Variants in DGCR2 observed in about 807,000 individuals in gnomAD.
DGCR2 encodes the protein integral membrane protein DGCR2/IDD.
In DGCR2, 24 loss-of-function variants were observed where a neutral mutation model predicts 51.6. The ratio of observed to expected loss-of-function variants is 0.47; its 90% CI spans 0.34 to 0.65. DGCR2 has a LOEUF of 0.65. Ranked by LOEUF, DGCR2 falls within the 30% of genes least tolerant of loss-of-function variation. The probability of loss-of-function intolerance (pLI) is 0.01; values close to 1 mark genes in which losing one functional copy is unlikely to be tolerated. For missense variants in DGCR2, 765 were observed against 772.1 expected, an observed-to-expected ratio of 0.99 and a Z score of 0.11; for synonymous variants, 340 against 315.4, an observed-to-expected ratio of 1.08 and a Z score of -0.82.
intron 2 of DGCR2, among the ~76,000 whole-genome samples, chr22:19,080,614 T>C (rs554597372): frequency 9.9e-5 from 15 of 152,182 alleles, no homozygotes; most frequent in East Asian, 5.8e-4. Context: ...GGGGGCAGGA[T>C]TGCTAGAGCC....
At chr22:19,114,744 A>T (rs911830616) in intron 1 of DGCR2, among the ~76,000 whole-genome samples, 1 of 152,094 alleles carries the variant, frequency 6.6e-6, no homozygotes, top group Non-Finnish European at 1.5e-5. Flanking sequence ...GCCAGCCACA[A>T]ACAATCCTCT....
chr22:19,044,481 A>G (rs1388647317), intron 7 of DGCR2, among the ~76,000 whole-genome samples: 2 of 152,232 alleles, frequency 1.3e-5, no homozygotes, highest in Non-Finnish European at 2.9e-5. Context: ...CAGGGATCAG[A>G]AGCTGAGACC....
At position 19,057,567 on chromosome 22, in the gene DGCR2, C is replaced by G. The variant is rs1027558507; in HGVS notation, c.626-405G>C. Among the ~76,000 whole-genome samples, 1 of 152,214 alleles carries G rather than the reference C, an allele frequency of 6.6e-6. No individual in the cohort carries two copies. The highest frequency in any genetic ancestry group is 1.5e-5 in the Non-Finnish European group (1 of 68,044). On this transcript the variant is annotated intron_variant, in intron 5 of 9. Coordinates refer to ENST00000263196, the MANE Select transcript of DGCR2 (RefSeq NM_005137.3). The surrounding 1 kb of genome is among the most constrained non-coding windows in gnomAD (Gnocchi z 5.1). Reference sequence around the variant, plus strand: ...TGGGCAAGGGAAACAGGCAGGGAAGCTCTCCCTTAGGACAGCACACTCAGA... The same window carrying G: ...TGGGCAAGGGAAACAGGCAGGGAAGGTCTCCCTTAGGACAGCACACTCAGA...
intron 5 of DGCR2, among the ~76,000 whole-genome samples, chr22:19,058,537 C>T (rs2082627277): frequency 6.6e-6 from 1 of 152,242 alleles, no homozygotes; most frequent in African/African-American, 2.4e-5. Context: ...GATGCCTTCT[C>T]ACCTAAGTAG....
At chr22:19,098,642 C>T (rs975391833) in intron 1 of DGCR2, among the ~76,000 whole-genome samples, 1 of 152,184 alleles carries the variant, frequency 6.6e-6, no homozygotes, top group Non-Finnish European at 1.5e-5. Context: ...GGCTGGAATG[C>T]AGCGGCATGA....
At chr22:19,090,712 G>A (rs2083068692) in intron 1 of DGCR2, among the ~76,000 whole-genome samples, 1 of 152,066 alleles carries the variant, frequency 6.6e-6, no homozygotes, top group Non-Finnish European at 1.5e-5. Context: ...TCACTTGAAG[G>A]TAGTCTATGA....
intron 1 of DGCR2, among the ~76,000 whole-genome samples, chr22:19,118,402 C>T (rs1025694977): frequency 3.5e-5 from 5 of 143,322 alleles, no homozygotes; most frequent in African/African-American, 1.3e-4. Context: ...AAAAAAACAA[C>T]TCTGGACTCC....
At chr22:19,067,950 G>T in intron 3 of DGCR2, 150 bp downstream of exon 3, 1 of 1,100,868 alleles carries the variant, frequency 9.1e-7, no homozygotes, top group Non-Finnish European at 1.2e-6. Flanking sequence ...GACTGCGGGT[G>T]GGTCATCATG....
At chr22:19,049,983 C>G (rs2082531689) in intron 6 of DGCR2, among the ~76,000 whole-genome samples, 1 of 151,864 alleles carries the variant, frequency 6.6e-6, no homozygotes, top group African/African-American at 2.4e-5. Flanking sequence ...TGTGAAACAC[C>G]ATTAAGTACA....
chr22:19,083,016 G>A (rs1021265273), intron 2 of DGCR2, among the ~76,000 whole-genome samples: 2 of 151,662 alleles, frequency 1.3e-5, no homozygotes, highest in Middle Eastern at 3.2e-3. Context: ...GAGCCCAGGA[G>A]GCGGAGGTTG....
chr22:19,065,592 C>A (rs1340047190), intron 3 of DGCR2, among the ~76,000 whole-genome samples: 4 of 152,172 alleles, frequency 2.6e-5, no homozygotes, highest in African/African-American at 9.7e-5. Flanking sequence ...CTGCCTCCCA[C>A]AGCCGAAAAA....
intron 1 of DGCR2, among the ~76,000 whole-genome samples, chr22:19,118,248 G>A (rs906955191): frequency 1.3e-5 from 2 of 151,948 alleles, no homozygotes; most frequent in Non-Finnish European, 2.9e-5. Context: ...GGCGTGCGCC[G>A]TAATCAAAGT....
chr22:19,054,831 G>A (rs1183423283), intron 6 of DGCR2, among the ~76,000 whole-genome samples: 2 of 151,682 alleles, frequency 1.3e-5, no homozygotes, highest in East Asian at 1.9e-4. Flanking sequence ...GGCCAGGCAC[G>A]GTGGCTCACA....
intron 9 of DGCR2, among the ~76,000 whole-genome samples, chr22:19,040,705 G>A (rs2082421039): frequency 6.6e-6 from 1 of 151,694 alleles, no homozygotes; most frequent in Admixed American, 6.6e-5. Flanking sequence ...CCTGGGTCTG[G>A]GCCAGCCCTG....
chr22:19,119,023 G>A lies in DGCR2; in HGVS notation c.79+3105C>T, dbSNP rs184033221. Among the ~76,000 whole-genome samples, 21 of 152,294 alleles carry A rather than the reference G, an allele frequency of 1.4e-4. No homozygotes were observed. In the East Asian group the frequency reaches 3.9e-3, roughly 28 times the overall value. On this transcript the variant is annotated intron_variant, in intron 1 of 9. Coordinates refer to ENST00000263196, the MANE Select transcript of DGCR2 (RefSeq NM_005137.3). ...TGGTCACATGGCCAAACACAGAAGGGATTTGGCAGAGGGTGAGTGGTTCTG... is the reference window on the plus strand; with the variant it reads ...TGGTCACATGGCCAAACACAGAAGGAATTTGGCAGAGGGTGAGTGGTTCTG...
At chr22:19,066,845 A>G (rs935449833) in intron 3 of DGCR2, among the ~76,000 whole-genome samples, 1 of 152,234 alleles carries the variant, frequency 6.6e-6, no homozygotes, top group Non-Finnish European at 1.5e-5. Flanking sequence ...GGAAGGAAGA[A>G]CATGGAGCTG....
intron 5 of DGCR2, chr22:19,060,937 G>GT (rs1194727228): frequency 2.1e-6 from 1 of 480,358 alleles, no homozygotes; most frequent in Admixed American, 2.2e-5. Flanking sequence ...ATGTACCATG[G>GT]TATCACTCAC....
chr22:19,071,846 G>C (rs1432098361), intron 2 of DGCR2, among the ~76,000 whole-genome samples: 2 of 152,154 alleles, frequency 1.3e-5, no homozygotes, highest in Non-Finnish European at 2.9e-5. Context: ...ATAGTATTTA[G>C]GGGTAGAATA....
intron 7 of DGCR2, chr22:19,048,166 T>C: frequency 1.9e-6 from 1 of 526,550 alleles, no homozygotes; most frequent in South Asian, 2.1e-5. Context: ...TGGTGACTTG[T>C]GAACAAACAG....
Sources: gnomAD v4.1 joint callset for allele counts (sites outside exome capture counted in the v4.1 genomes callset) on GRCh38, gnomAD v4.1.1 for gene constraint, Gnocchi (gnomAD v3.1) non-coding constraint, MANE v1.5 for transcripts, NCBI Gene and HGNC (gene_info 2026-07-23, HGNC 2026-07-21) for gene names.